Variants in DLG2 observed in about 807,000 individuals in gnomAD.
DLG2 encodes the protein discs large MAGUK scaffold protein 2, also known as disks large homolog 2.
A neutral mutation model predicts 132.5 loss-of-function variants in DLG2; 45 were observed. That is an observed-to-expected ratio of 0.34 (90% CI 0.27 to 0.44). DLG2 has a LOEUF of 0.44. DLG2 is among the 20% of genes least tolerant of loss of function. The probability of loss-of-function intolerance (pLI) is 1.00; values close to 1 mark genes in which losing one functional copy is unlikely to be tolerated. For synonymous variants in DLG2, 424 were observed against 419.6 expected, an observed-to-expected ratio of 1.01 and a Z score of -0.13; for missense variants, 1,045 against 1,196.9, an observed-to-expected ratio of 0.87 and a Z score of 1.87.
chr11:83,627,411 T>C (rs1051814426), intron 19 of DLG2, among the ~76,000 whole-genome samples: 1 of 151,840 alleles, frequency 6.6e-6, no homozygotes, highest in Non-Finnish European at 1.5e-5. Context: ...CCCCTTCCTG[T>C]GTCCATGTGT....
intron 6 of DLG2, among the ~76,000 whole-genome samples, chr11:84,953,117 A>G (rs1204088798): frequency 6.6e-6 from 1 of 152,114 alleles, no homozygotes; most frequent in Non-Finnish European, 1.5e-5. Context: ...GTAGTCTCAC[A>G]CCCATCTTTA....
chr11:83,503,480 T>C lies in DLG2; in HGVS notation c.2194-19252A>G. Among the ~76,000 whole-genome samples, 2 of 147,406 alleles carry C rather than the reference T, an allele frequency of 1.4e-5. 1 individual carries two copies. The highest frequency in any genetic ancestry group is 4.0e-4 in the East Asian group (2 of 4,962). ...ACACACACACATATATTATTAAGTA[T>C]TAACTTACAAGATCACAAGGTCTCA... On this transcript the variant is annotated intron_variant, in intron 21 of 27. Coordinates refer to ENST00000376104, the MANE Select transcript of DLG2 (RefSeq NM_001142699.3).
intron 9 of DLG2, among the ~76,000 whole-genome samples, chr11:84,116,889 G>T (rs2093658938): frequency 6.6e-6 from 1 of 152,158 alleles, no homozygotes; most frequent in Admixed American, 6.5e-5. Flanking sequence ...AATTTATTAG[G>T]CATAACATTT....
At chr11:84,191,977 G>T (rs1393337050) in intron 8 of DLG2, among the ~76,000 whole-genome samples, 1 of 140,882 alleles carries the variant, frequency 7.1e-6, no homozygotes, top group Non-Finnish European at 1.6e-5. Flanking sequence ...TTATCAACTA[G>T]CCCCATTTGT....
chr11:84,534,268 T>G (rs2099350240), intron 7 of DLG2, among the ~76,000 whole-genome samples: 1 of 152,226 alleles, frequency 6.6e-6, no homozygotes, highest in Admixed American at 6.5e-5. Flanking sequence ...AACCTTGATG[T>G]ACTTGGGGTT....
chr11:85,607,540 C>T (rs563649813), intron 2 of DLG2, among the ~76,000 whole-genome samples: 1 of 152,334 alleles, frequency 6.6e-6, no homozygotes, highest in African/African-American at 2.4e-5. Flanking sequence ...AAAAACCACT[C>T]GCTCTCTCTG....
intron 3 of DLG2, among the ~76,000 whole-genome samples, chr11:85,396,359 C>G (rs1273648652): frequency 1.3e-5 from 2 of 152,056 alleles, no homozygotes; most frequent in Non-Finnish European, 2.9e-5. Context: ...AAAAAGAGAG[C>G]ACCTCTTTTC....
chr11:83,660,595 C>T (rs2153544268), intron 18 of DLG2, among the ~76,000 whole-genome samples: 1 of 152,196 alleles, frequency 6.6e-6, no homozygotes, highest in East Asian at 1.9e-4. Flanking sequence ...TTACCTATAG[C>T]CATTTTCTAC....
intron 3 of DLG2, among the ~76,000 whole-genome samples, chr11:85,537,048 A>G (rs117857958): frequency 0.028 from 4,318 of 152,288 alleles, 101 homozygotes; most frequent in East Asian, 0.097. Flanking sequence ...AAATGCACAA[A>G]TCAGTGCTCT....
intron 8 of DLG2, among the ~76,000 whole-genome samples, chr11:84,230,131 T>C (rs534828859): frequency 6.6e-6 from 1 of 152,322 alleles, no homozygotes; most frequent in East Asian, 1.9e-4. Flanking sequence ...GTGGTAGCCA[T>C]ACACAAAGGC....
chr11:85,602,321 C>G (rs1010495635), intron 2 of DLG2, among the ~76,000 whole-genome samples: 3 of 152,216 alleles, frequency 2.0e-5, no homozygotes, highest in Non-Finnish European at 4.4e-5. Context: ...ATCATCTATC[C>G]CCTACATTAC....
At chr11:84,872,623 T>C (rs1348061806) in intron 6 of DLG2, among the ~76,000 whole-genome samples, 1 of 152,200 alleles carries the variant, frequency 6.6e-6, no homozygotes, top group African/African-American at 2.4e-5. Context: ...TCTTGAAAGT[T>C]GAGTTGGATG....
chr11:84,464,205 C>T (rs2099088001), intron 7 of DLG2, among the ~76,000 whole-genome samples: 1 of 151,136 alleles, frequency 6.6e-6, no homozygotes, highest in Admixed American at 6.6e-5. Flanking sequence ...AGATCCTAGT[C>T]TCAAGTTTTG....
intron 9 of DLG2, among the ~76,000 whole-genome samples, chr11:84,158,109 G>C (rs552548906): frequency 1.3e-5 from 2 of 151,722 alleles, no homozygotes; most frequent in African/African-American, 4.8e-5. Flanking sequence ...TGTTGCCCAG[G>C]CTGGAGTGCA....
chr11:85,416,065 G>A (rs1165759116), intron 3 of DLG2, among the ~76,000 whole-genome samples: 2 of 152,116 alleles, frequency 1.3e-5, no homozygotes, highest in African/African-American at 4.8e-5. Context: ...GTAAGGACGG[G>A]GTCCAGTTTC....
intron 4 of DLG2, among the ~76,000 whole-genome samples, chr11:85,179,923 T>C (rs2079574776): frequency 6.6e-6 from 1 of 151,906 alleles, no homozygotes; most frequent in Non-Finnish European, 1.5e-5. Flanking sequence ...TGGATAAGCA[T>C]ATTGAGATTT....
At chr11:84,599,178 G>A (rs1391362886) in intron 6 of DLG2, among the ~76,000 whole-genome samples, 1 of 152,138 alleles carries the variant, frequency 6.6e-6, no homozygotes, top group Non-Finnish European at 1.5e-5. Context: ...CCGGGAGGCA[G>A]AGGTTGCAGT....
intron 7 of DLG2, among the ~76,000 whole-genome samples, chr11:84,473,271 A>T (rs2099113250): frequency 6.6e-6 from 1 of 152,046 alleles, no homozygotes; most frequent in South Asian, 2.1e-4. Context: ...ATTGCATTGC[A>T]GTCCCCTCAT....
chr11:84,107,114 A>G (rs1465437048), intron 9 of DLG2, among the ~76,000 whole-genome samples: 1 of 151,784 alleles, frequency 6.6e-6, no homozygotes, highest in African/African-American at 2.4e-5. Flanking sequence ...GGACTCAAGC[A>G]TCTCTTTAGT....
Sources: allele counts gnomAD v4.1 joint callset (sites outside exome capture counted in the v4.1 genomes callset), GRCh38; gene constraint gnomAD v4.1.1; transcripts MANE v1.5; gene names NCBI Gene and HGNC (gene_info 2026-07-23, HGNC 2026-07-21).